The following RBPMS variants were observed in gnomAD, a reference collection of about 807,000 sequenced individuals.
RBPMS encodes RNA-binding protein with multiple splicing.
A neutral mutation model predicts 26.8 loss-of-function variants in RBPMS; 7 were observed. The observed-to-expected ratio is 0.26, with a 90% confidence interval of 0.15 to 0.49. The LOEUF (loss-of-function observed/expected upper bound fraction) is 0.49, where lower values mean the gene tolerates loss of function less well. Among genes scored for constraint, RBPMS ranks in the 20% least tolerant of loss-of-function variants. The probability of loss-of-function intolerance (pLI) is 0.98; values close to 1 mark genes in which losing one functional copy is unlikely to be tolerated. For missense variants in RBPMS, 186 were observed against 250.0 expected, an observed-to-expected ratio of 0.74 and a Z score of 1.73; for synonymous variants, 96 against 93.3, an observed-to-expected ratio of 1.03 and a Z score of -0.17.
chr8:30,478,771 T>A (rs1817975424), intron 3 of RBPMS, among the ~76,000 whole-genome samples: 1 of 152,216 alleles, frequency 6.6e-6, no homozygotes, highest in Non-Finnish European at 1.5e-5. Flanking sequence ...GTACTGGGAT[T>A]ACAGGCGTGA....
intron 1 of RBPMS, among the ~76,000 whole-genome samples, chr8:30,393,667 G>A (rs1234076770): frequency 1.3e-5 from 2 of 151,850 alleles, no homozygotes; most frequent in African/African-American, 2.4e-5. Flanking sequence ...ACAGGCACAC[G>A]CCACCACACC....
chr8:30,560,548 T>A (rs1827374389), intron 7 of RBPMS, among the ~76,000 whole-genome samples: 1 of 152,198 alleles, frequency 6.6e-6, no homozygotes, highest in African/African-American at 2.4e-5. Flanking sequence ...TATCTACTCT[T>A]CCTCTAACCC....
chr8:30,544,396 G>C, intron 5 of RBPMS, 98 bp from the exon 6 acceptor site: 1 of 1,206,928 alleles, frequency 8.3e-7, no homozygotes, highest in African/African-American at 1.5e-5. Flanking sequence ...TTTGACTTCC[G>C]ACAGTGATTG....
At chr8:30,506,870 A>G (rs1194399416) in intron 5 of RBPMS, among the ~76,000 whole-genome samples, 1 of 152,206 alleles carries the variant, frequency 6.6e-6, no homozygotes, top group East Asian at 1.9e-4. Flanking sequence ...CTCCATAAAT[A>G]TATGAACTTA....
At chr8:30,468,475 T>C (rs1378488395) in intron 1 of RBPMS, among the ~76,000 whole-genome samples, 1 of 152,166 alleles carries the variant, frequency 6.6e-6, no homozygotes, top group African/African-American at 2.4e-5. Context: ...TATAGGTGTT[T>C]GTCAGTTGAT....
At chr8:30,464,177 A>G (rs913451905) in intron 1 of RBPMS, among the ~76,000 whole-genome samples, 4 of 152,162 alleles carry the variant, frequency 2.6e-5, no homozygotes, top group African/African-American at 9.7e-5. Flanking sequence ...TTACGTGTTC[A>G]TATCTAGATA....
At chr8:30,534,384 A>T (rs1824579647) in intron 5 of RBPMS, among the ~76,000 whole-genome samples, 1 of 152,260 alleles carries the variant, frequency 6.6e-6, no homozygotes, top group African/African-American at 2.4e-5. Context: ...CTTGTGAAGG[A>T]TACTATACAC....
At chr8:30,559,200 A>G (rs961011069) in intron 7 of RBPMS, among the ~76,000 whole-genome samples, 2 of 152,194 alleles carry the variant, frequency 1.3e-5, no homozygotes, top group African/African-American at 4.8e-5. Context: ...TGGCCTCCCC[A>G]CTTAAAAATA....
At chr8:30,515,803 G>A (rs1313099335) in intron 5 of RBPMS, among the ~76,000 whole-genome samples, 1 of 151,902 alleles carries the variant, frequency 6.6e-6, no homozygotes, top group Non-Finnish European at 1.5e-5. Context: ...CTACAGGCAC[G>A]CACCACCTTG....
intron 1 of RBPMS, among the ~76,000 whole-genome samples, chr8:30,410,566 A>ATG (rs144441518): frequency 0.028 from 4,048 of 143,440 alleles, 75 homozygotes; most frequent in Middle Eastern, 0.041. Context: ...GTGTGTGTGT[A>ATG]TGTGTGTGTG....
intron 8 of RBPMS, among the ~76,000 whole-genome samples, chr8:30,568,388 A>C (rs3757916): frequency 6.6e-6 from 1 of 151,992 alleles, no homozygotes; most frequent in South Asian, 2.1e-4. Flanking sequence ...CTGACTGGGT[A>C]CGAAGAGACC....
intron 5 of RBPMS, among the ~76,000 whole-genome samples, chr8:30,521,352 A>G (rs1312396741): frequency 6.6e-6 from 1 of 152,206 alleles, no homozygotes; most frequent in Admixed American, 6.5e-5. Context: ...GGACCAAGAC[A>G]GTATGGTTCT....
At chr8:30,486,901 T>C (rs981533533) in intron 4 of RBPMS, among the ~76,000 whole-genome samples, 2 of 152,240 alleles carry the variant, frequency 1.3e-5, no homozygotes, top group Non-Finnish European at 2.9e-5. Flanking sequence ...GAGGATCTAT[T>C]TGTTTAAACT....
chr8:30,566,632 G>A (rs970115142), intron 8 of RBPMS, among the ~76,000 whole-genome samples: 3 of 152,202 alleles, frequency 2.0e-5, no homozygotes, highest in Non-Finnish European at 4.4e-5. Context: ...TGAACATCTG[G>A]CTGTCCAGTG....
intron 7 of RBPMS, among the ~76,000 whole-genome samples, chr8:30,559,869 C>A (rs1410034953): frequency 6.6e-6 from 1 of 152,180 alleles, no homozygotes; most frequent in African/African-American, 2.4e-5. Context: ...TTGGAGACTT[C>A]TATTGTAAGA....
intron 1 of RBPMS, among the ~76,000 whole-genome samples, chr8:30,387,504 C>T (rs144106351): frequency 0.015 from 2,254 of 152,198 alleles, 20 homozygotes; most frequent in Non-Finnish European, 0.024. Flanking sequence ...CTTTCCCTGC[C>T]CACCCATTGT....
At position 30,544,579 on chromosome 8, in the gene RBPMS, T is replaced by C. The variant is rs771600116; in HGVS notation, c.483T>C (p.Ala161=). 6 of 1,614,138 alleles carry C rather than the reference T, an allele frequency of 3.7e-6. No individual in the cohort carries two copies. In the South Asian group the frequency reaches 4.4e-5, roughly 12 times the overall value. ...TGTACCCAGCGGAGTTAGCGCCTGC[T>C]CTACCTCCTCCTGCTTTCACCTATC... is the stretch of plus-strand genomic sequence containing the variant. ...YPLYPAELAP[A]LPPPAFTYPA... Residue 161 remains alanine, a synonymous_variant, in exon 6 of 9, where the codon GCT becomes GCC. Transcript: ENST00000397323.
At chr8:30,434,710 A>C (rs536111800) in intron 1 of RBPMS, among the ~76,000 whole-genome samples, 2 of 151,912 alleles carry the variant, frequency 1.3e-5, no homozygotes, top group South Asian at 4.2e-4. Flanking sequence ...CCTCGAAAAA[A>C]AAAAAAAAAG....
chr8:30,549,772 TTCTC>T (rs1181705539), intron 6 of RBPMS, among the ~76,000 whole-genome samples: 65 of 71,218 alleles, frequency 9.1e-4, no homozygotes, highest in South Asian at 1.7e-3. Flanking sequence ...TTTTCTTTTC[TTCTC>T]TCTCTCTCTC....
Sources: gnomAD v4.1 joint callset for allele counts (sites outside exome capture counted in the v4.1 genomes callset) on GRCh38, gnomAD v4.1.1 for gene constraint, MANE v1.5 for transcripts, NCBI Gene and HGNC (gene_info 2026-07-23, HGNC 2026-07-21) for gene names.